Variants in STOX2 observed in about 807,000 individuals in gnomAD.
STOX2 encodes the protein storkhead box 2.
In STOX2, 28 loss-of-function variants were observed where a neutral mutation model predicts 60.9. That is an observed-to-expected ratio of 0.46 (90% CI 0.34 to 0.63). STOX2 has a LOEUF of 0.63. STOX2 is among the 30% of genes least tolerant of loss of function. The pLI is 0.01. For synonymous variants in STOX2, 472 were observed against 463.9 expected (o/e 1.02, Z -0.22); for missense variants, 1,024 against 1,187.7 (o/e 0.86, Z 2.03).
intron 1 of STOX2, among the ~76,000 whole-genome samples, chr4:183,809,354 C>T (rs952934834): frequency 2.0e-5 from 3 of 152,122 alleles, no homozygotes; most frequent in Non-Finnish European, 4.4e-5. Context: ...TCCCAAAGTG[C>T]TGGGATTACA....
At chr4:183,839,040 G>A (rs1292645112) in intron 1 of STOX2, among the ~76,000 whole-genome samples, 1 of 148,652 alleles carries the variant, frequency 6.7e-6, no homozygotes, top group African/African-American at 2.6e-5. Context: ...CACACACACA[G>A]GTACACATGC....
chr4:183,987,562 G>T (rs1461207196), intron 1 of STOX2: 2 of 152,180 alleles, frequency 1.3e-5, no homozygotes, highest in Admixed American at 1.3e-4. Flanking sequence ...CCACTTCTCG[G>T]TGCGATTGGA....
At chr4:183,998,176 A>C (rs1392088179) in intron 1 of STOX2, among the ~76,000 whole-genome samples, 2 of 152,172 alleles carry the variant, frequency 1.3e-5, no homozygotes. Context: ...TATAATAGGC[A>C]CACGTTGGAA....
intron 1 of STOX2, among the ~76,000 whole-genome samples, chr4:183,807,543 G>A (rs1738933428): frequency 6.6e-6 from 1 of 152,136 alleles, no homozygotes; most frequent in Non-Finnish European, 1.5e-5. Context: ...TTTGTCATTT[G>A]GCTTTGGGTG....
chr4:183,870,995 T>G (rs1740675818), intron 1 of STOX2, among the ~76,000 whole-genome samples: 1 of 152,240 alleles, frequency 6.6e-6, no homozygotes, highest in Non-Finnish European at 1.5e-5. Flanking sequence ...ATACTGGTTA[T>G]ATGTGGCTTA....
At chr4:183,838,445 A>C (rs1461396896) in intron 1 of STOX2, among the ~76,000 whole-genome samples, 2 of 152,094 alleles carry the variant, frequency 1.3e-5, no homozygotes, top group Admixed American at 1.3e-4. Context: ...TTATTATTTC[A>C]TTACTTTTAG....
chr4:183,909,912 G>A (rs374280714), intron 1 of STOX2, among the ~76,000 whole-genome samples: 42 of 152,190 alleles, frequency 2.8e-4, no homozygotes, highest in East Asian at 1.5e-3. Flanking sequence ...AGGTTAGAGC[G>A]GGCACCTATA....
chr4:183,882,303 C>G (rs186438687), intron 1 of STOX2, among the ~76,000 whole-genome samples: 19 of 152,294 alleles, frequency 1.2e-4, no homozygotes, highest in Admixed American at 3.9e-4. Flanking sequence ...GCCCTTTACT[C>G]TGAATACACA....
chr4:184,009,125 T>G lies in STOX2; in HGVS notation c.320-33T>G. On this transcript the variant is annotated intron_variant, in intron 2 of 3. Transcript: ENST00000308497. The surrounding 1 kb of genome is among the most constrained non-coding windows in gnomAD (Gnocchi z 4.0). ...AGGAATCCACATGTTCTGTCTTCAT[T>G]CTCACAAGTGGTTTTTTTTTTTTTT... is the stretch of plus-strand genomic sequence containing the variant. 1 of 1,422,178 alleles carries G rather than the reference T, an allele frequency of 7.0e-7. No individual in the cohort carries two copies. Among genetic ancestry groups the G allele is most frequent in the Non-Finnish European group, 9.4e-7 (1 of 1,063,546 alleles). The allele number at this position is 1,422,178 out of a possible 1,614,324, so 88.1% of individuals were successfully genotyped here.
intron 1 of STOX2, among the ~76,000 whole-genome samples, chr4:183,899,979 C>T (rs535120434): frequency 8.2e-4 from 125 of 152,134 alleles, no homozygotes; most frequent in African/African-American, 2.7e-3. Flanking sequence ...AAGTTGAAGC[C>T]GATGCTCATT....
At chr4:183,990,644 T>A (rs941884231) in intron 1 of STOX2, among the ~76,000 whole-genome samples, 1 of 145,234 alleles carries the variant, frequency 6.9e-6, no homozygotes, top group Admixed American at 7.2e-5. Context: ...TGATCTGGTT[T>A]TGCTAATTTT....
At chr4:183,919,106 T>C (rs1227951335) in intron 1 of STOX2, among the ~76,000 whole-genome samples, 1 of 152,258 alleles carries the variant, frequency 6.6e-6, no homozygotes, top group East Asian at 1.9e-4. Flanking sequence ...CTACTTATGA[T>C]TCCACAAGTA....
intron 1 of STOX2, among the ~76,000 whole-genome samples, chr4:183,943,781 G>A (rs1742812906): frequency 6.6e-6 from 1 of 152,130 alleles, no homozygotes; most frequent in African/African-American, 2.4e-5. Context: ...GGAGGCTGAG[G>A]CAGAAGAATT....
At chr4:183,880,648 C>A (rs992263596) in intron 1 of STOX2, among the ~76,000 whole-genome samples, 2 of 152,112 alleles carry the variant, frequency 1.3e-5, no homozygotes, top group Non-Finnish European at 2.9e-5. Flanking sequence ...TAACTTGGGG[C>A]CTTCGTCTGA....
chr4:183,819,330 G>A (rs192105529), intron 1 of STOX2, among the ~76,000 whole-genome samples: 16,051 of 151,956 alleles, frequency 0.11, 1,101 homozygotes, highest in South Asian at 0.18. Context: ...ATCACTCCCG[G>A]TTAGGAGCTG....
At chr4:183,986,915 G>T (rs536056148) in intron 1 of STOX2, among the ~76,000 whole-genome samples, 2 of 152,110 alleles carry the variant, frequency 1.3e-5, no homozygotes, top group African/African-American at 4.8e-5. Flanking sequence ...TTTCGGGGGC[G>T]CCTTATGAAG....
intron 1 of STOX2, among the ~76,000 whole-genome samples, chr4:183,874,883 G>GCA (rs1560857590): frequency 8.8e-5 from 10 of 113,802 alleles, no homozygotes; most frequent in African/African-American, 3.1e-4. Context: ...CCAAGATCAT[G>GCA]CCACTGCACT....
At position 183,863,165 on chromosome 4, in the gene STOX2, C is replaced by T. The variant is rs147987468; in HGVS notation, c.364+65110C>T. 8.1e-4 allele frequency among the ~76,000 whole-genome samples: 123 copies of T among 152,252 alleles called. 1 individual carries two copies. Among genetic ancestry groups the T allele is most frequent in the African/African-American group, 6.7e-4 (28 of 41,542 alleles). ...GAAAGAAGCGGTCCTGGGTGAGTGA[C>T]GTGGACATGGAGCACAGTGCCTCCC... On this transcript the variant is annotated intron_variant, in intron 1 of 2. Transcript: ENST00000513034.
chr4:183,945,757 T>C (rs1742869254), intron 1 of STOX2, among the ~76,000 whole-genome samples: 1 of 152,240 alleles, frequency 6.6e-6, no homozygotes, highest in Non-Finnish European at 1.5e-5. Flanking sequence ...ATTCAGGTTC[T>C]AAGACGCTGG....
Sources: gnomAD v4.1 joint callset for allele counts (sites outside exome capture counted in the v4.1 genomes callset) on GRCh38, gnomAD v4.1.1 for gene constraint, Gnocchi (gnomAD v3.1) non-coding constraint, MANE v1.5 for transcripts, NCBI Gene and HGNC (gene_info 2026-07-23, HGNC 2026-07-21) for gene names.